Variants in KLF8 observed in about 807,000 individuals in gnomAD.
The protein encoded by KLF8 is Krueppel-like factor 8.
A neutral mutation model predicts 18.2 loss-of-function variants in KLF8; 10 were observed. The ratio of observed to expected loss-of-function variants is 0.55; its 90% CI spans 0.34 to 0.93. The LOEUF is 0.93. Among genes scored for constraint, KLF8 ranks in the 40% least tolerant of loss-of-function variants. The pLI is 0.02. For missense variants in KLF8, 264 were observed against 277.9 expected, an observed-to-expected ratio of 0.95 and a Z score of 0.36; for synonymous variants, 109 against 97.3, an observed-to-expected ratio of 1.12 and a Z score of -0.71.
the KLF8 span, among the ~76,000 whole-genome samples, chrX:56,028,149 A>C: frequency 1.8e-5 from 2 of 111,801 alleles, no homozygotes; most frequent in African/African-American, 6.5e-5. Flanking sequence ...TGACACATAG[A>C]GTGTGAAGGG....
chrX:56,189,005 C>T, the KLF8 span, among the ~76,000 whole-genome samples: 1 of 111,372 alleles, frequency 9.0e-6, no homozygotes, highest in Non-Finnish European at 1.9e-5. Context: ...GCAACAAAAG[C>T]AAAAATTGAC....
chrX:56,194,050 G>T, the KLF8 span, among the ~76,000 whole-genome samples: 5 of 111,693 alleles, frequency 4.5e-5, no homozygotes, highest in African/African-American at 1.6e-4. Flanking sequence ...ACTGTGTATT[G>T]CATCCTTGTA....
the KLF8 span, among the ~76,000 whole-genome samples, chrX:56,108,882 G>A: frequency 9.0e-6 from 1 of 111,697 alleles, no homozygotes; most frequent in African/African-American, 3.2e-5. Context: ...TTCATATGTG[G>A]TGTTTTGCTT....
chrX:55,979,081 A>G, the KLF8 span, among the ~76,000 whole-genome samples: 1 of 32,321 alleles, frequency 3.1e-5, no homozygotes, highest in Non-Finnish European at 1.0e-4. Context: ...AATCTGAAGC[A>G]TATAGGGCGA....
chrX:55,935,393 C>A, the KLF8 span, among the ~76,000 whole-genome samples: 1 of 111,820 alleles, frequency 8.9e-6, no homozygotes, highest in Admixed American at 9.5e-5. Flanking sequence ...CACCCCAGAA[C>A]TACAGAATCA....
chrX:55,922,620 T>C, the KLF8 span, among the ~76,000 whole-genome samples: 1 of 111,342 alleles, frequency 9.0e-6, no homozygotes, highest in South Asian at 3.7e-4. Context: ...GAACTTAAAA[T>C]AAAATCGAAA....
the KLF8 span, among the ~76,000 whole-genome samples, chrX:56,155,610 TA>T: frequency 3.6e-5 from 4 of 111,712 alleles, no homozygotes; most frequent in East Asian, 8.4e-4. Flanking sequence ...ATAATAAAAA[TA>T]AAATTAAAAA....
chrX:56,026,318 C>A, the KLF8 span, among the ~76,000 whole-genome samples: 1 of 111,814 alleles, frequency 8.9e-6, no homozygotes, highest in Non-Finnish European at 1.9e-5. Context: ...TGACCAGGCA[C>A]CTCTCATTTA....
the KLF8 span, among the ~76,000 whole-genome samples, chrX:56,115,373 T>G: frequency 8.0e-5 from 9 of 112,170 alleles, 1 homozygote; most frequent in Admixed American, 2.8e-4. Flanking sequence ...TCCTGATTTA[T>G]CTCATTCTCA....
chrX:56,156,300 A>G, the KLF8 span, among the ~76,000 whole-genome samples: 2 of 111,607 alleles, frequency 1.8e-5, no homozygotes, highest in South Asian at 3.8e-4. Context: ...AACTTGTGTC[A>G]TGGAGGTTTT....
the KLF8 span, among the ~76,000 whole-genome samples, chrX:56,122,423 A>G: frequency 9.0e-6 from 1 of 111,576 alleles, no homozygotes; most frequent in East Asian, 2.8e-4. Flanking sequence ...GACATACAAT[A>G]TGCAAAATAT....
chrX:56,164,585 T>C, the KLF8 span, among the ~76,000 whole-genome samples: 5 of 103,078 alleles, frequency 4.9e-5, no homozygotes, highest in African/African-American at 1.7e-4. Context: ...TCCAGTTTTT[T>C]TTTTTATCCT....
At chrX:56,211,880 G>A in the KLF8 span, among the ~76,000 whole-genome samples, 1 of 110,182 alleles carries the variant, frequency 9.1e-6, no homozygotes, top group Non-Finnish European at 1.9e-5. Context: ...TCAAGCAGAA[G>A]GAGTTTTGCC....
the KLF8 span, among the ~76,000 whole-genome samples, chrX:56,060,639 G>T: frequency 9.0e-6 from 1 of 111,456 alleles, no homozygotes; most frequent in African/African-American, 3.3e-5. Context: ...ATATTGGCCT[G>T]AAGTTTTCTT....
the KLF8 span, among the ~76,000 whole-genome samples, chrX:55,911,433 T>C: frequency 8.9e-6 from 1 of 112,567 alleles, no homozygotes; most frequent in Non-Finnish European, 1.9e-5. Context: ...TCATCTGCTT[T>C]AAGGAAATAT....
chrX:56,036,904 T>C, the KLF8 span, among the ~76,000 whole-genome samples: 7 of 109,695 alleles, frequency 6.4e-5, no homozygotes, highest in African/African-American at 2.3e-4. Flanking sequence ...TCATTAAGTT[T>C]ATTCCTAATT....
the KLF8 span, among the ~76,000 whole-genome samples, chrX:56,223,122 G>T: frequency 3.5e-5 from 4 of 113,135 alleles, no homozygotes; most frequent in African/African-American, 1.3e-4. Context: ...TCTCACTATG[G>T]TCCATGTTCT....
the KLF8 span, among the ~76,000 whole-genome samples, chrX:56,080,605 G>T: frequency 6.3e-5 from 7 of 111,010 alleles, no homozygotes; most frequent in African/African-American, 2.3e-4. Context: ...TTCAACTTCG[G>T]TGAATCTGAC....
chrX:56,164,729 C>CTTTTTTTTTTTTTTTTTTTTATTT, the KLF8 span, among the ~76,000 whole-genome samples: 1 of 51,920 alleles, frequency 1.9e-5, no homozygotes, highest in Non-Finnish European at 3.3e-5. Context: ...CTTGTTATCT[C>CTTTTTTTTTTTTTTTTTTTTATTT]TTTTTTTTTT....
Sources: allele counts gnomAD v4.1 joint callset (sites outside exome capture counted in the v4.1 genomes callset), GRCh38; gene constraint gnomAD v4.1.1; transcripts MANE v1.5; gene names NCBI Gene and HGNC (gene_info 2026-07-23, HGNC 2026-07-21).